Variants in TTLL6 observed in about 807,000 individuals in gnomAD.
The protein encoded by TTLL6 is tubulin polyglutamylase TTLL6.
Under a neutral mutation model 96.4 loss-of-function variants are expected in TTLL6, and 75 were observed. That is an observed-to-expected ratio of 0.78 (90% CI 0.65 to 0.94). TTLL6 has a LOEUF of 0.94. Among genes scored for constraint, TTLL6 ranks in the 40% least tolerant of loss-of-function variants. The pLI is 0.00. For missense variants in TTLL6, 1,030 were observed against 1,093.0 expected (o/e 0.94, Z 0.81); for synonymous variants, 411 against 419.4 (o/e 0.98, Z 0.24).
At chr17:48,767,738 T>C (rs1326151645) in intron 15 of TTLL6, among the ~76,000 whole-genome samples, 1 of 152,116 alleles carries the variant, frequency 6.6e-6, no homozygotes, top group Non-Finnish European at 1.5e-5. Flanking sequence ...CATATGACCT[T>C]CCCTCAGAAG....
chr17:48,765,001 A>G (rs1213163747), intron 15 of TTLL6, among the ~76,000 whole-genome samples: 1 of 152,172 alleles, frequency 6.6e-6, no homozygotes, highest in East Asian at 1.9e-4. Context: ...TGGCTTCAAG[A>G]GTTTGGGGCT....
intron 1 of TTLL6, among the ~76,000 whole-genome samples, chr17:48,816,748 A>G (rs2039672959): frequency 6.6e-6 from 1 of 152,094 alleles, no homozygotes; most frequent in Non-Finnish European, 1.5e-5. Flanking sequence ...AGGGCGGGAA[A>G]TGAACGTTAA....
In TTLL6 at chr17:48,814,219, T is replaced by C. The variant is rs1196201736; in HGVS notation, c.103+2751A>G. Among the ~76,000 whole-genome samples the C allele has an allele frequency of 8.5e-5, 12 of 141,028 alleles. No homozygotes were observed. The East Asian group carries it at 2.7e-3, about 32-fold the overall frequency. The allele number at this position is 141,028 out of a possible 152,430, so 92.5% of individuals were successfully genotyped here. A position where few individuals can be genotyped will look rare whatever the true frequency, so the allele number is the denominator to read the frequency against. On this transcript the variant is annotated intron_variant, in intron 1 of 15. Coordinates refer to ENST00000393382, the MANE Select transcript of TTLL6 (RefSeq NM_001130918.3). ...CTGTAATCCCAGCTACTCGGTAGGCTGGGGCAGGAGAATCGCTTGAACCTG... is the reference window on the plus strand; with the variant it reads ...CTGTAATCCCAGCTACTCGGTAGGCCGGGGCAGGAGAATCGCTTGAACCTG...
At chr17:48,800,318 T>A (rs1363757365) in intron 5 of TTLL6, 1 of 152,428 alleles carries the variant, frequency 6.6e-6, no homozygotes, top group Non-Finnish European at 1.5e-5. Context: ...AATCATATAT[T>A]TGAACATATT....
At chr17:48,798,386 G>A (rs1412758914) in intron 6 of TTLL6, among the ~76,000 whole-genome samples, 2 of 152,158 alleles carry the variant, frequency 1.3e-5, no homozygotes, top group Admixed American at 6.5e-5. Flanking sequence ...GGTTAACATA[G>A]TGAAACCCCG....
At chr17:48,777,011 G>GACACACACACACACAC (rs71369215) in intron 13 of TTLL6, among the ~76,000 whole-genome samples, 3 of 141,394 alleles carry the variant, frequency 2.1e-5, no homozygotes, top group African/African-American at 8.0e-5. Context: ...CATAAGGATA[G>GACACACACACACACAC]ACACACACAC....
intron 1 of TTLL6, among the ~76,000 whole-genome samples, chr17:48,806,512 C>T (rs144919871): frequency 3.1e-4 from 47 of 152,202 alleles, no homozygotes; most frequent in African/African-American, 9.9e-4. Context: ...CATTTCAACC[C>T]CTCTCCTCCG....
chr17:48,789,882 C>T (rs1217566185), intron 10 of TTLL6, 49 bp downstream of exon 10: 2 of 1,590,768 alleles, frequency 1.3e-6, no homozygotes, highest in African/African-American at 2.7e-5. Flanking sequence ...TTATTGGGAG[C>T]AGGGGAGTCA....
chr17:48,815,642 C>G (rs964434993), intron 1 of TTLL6: 1 of 152,186 alleles, frequency 6.6e-6, no homozygotes, highest in African/African-American at 2.4e-5. Flanking sequence ...GGTCTTTTGA[C>G]TTTTCGTTTT....
At chr17:48,774,108 A>AAAAAAAAAAAAAAAAAAAC (rs2038814796) in intron 13 of TTLL6, among the ~76,000 whole-genome samples, 6 of 130,536 alleles carry the variant, frequency 4.6e-5, no homozygotes, top group Admixed American at 8.8e-5. Flanking sequence ...AAAAAAAAAA[A>AAAAAAAAAAAAAAAAAAAC]AAAACAAGAA....
At position 48,786,234 on chromosome 17, in the gene TTLL6, T is replaced by C. The variant is rs756434166; in HGVS notation, c.1691A>G (p.Lys564Arg). ...CTGTTGCCAGCCCCTCATGCCCTTC[T>C]TTCTCACTTGCTCGCCTGCCGATTC... Reference protein sequence around the residue: ...QGESAGEQVRKKGMRGWQQKQ... With the variant: ...QGESAGEQVRRKGMRGWQQKQ... The change falls in exon 12 of 16, where the codon AAG becomes AGG. Residue 564 changes from lysine (K) to arginine (R), a missense_variant. Lys to Arg is a conservative substitution (Grantham distance 26). Transcript: ENST00000393382. 2.5e-6 allele frequency: 4 copies of C among 1,614,244 alleles called. No individual in the cohort carries two copies. Among genetic ancestry groups the C allele is most frequent in the Non-Finnish European group, 2.5e-6 (3 of 1,180,042 alleles).
At chr17:48,774,682 CA>C (rs2038836482) in intron 13 of TTLL6, among the ~76,000 whole-genome samples, 1 of 152,084 alleles carries the variant, frequency 6.6e-6, no homozygotes, top group Admixed American at 6.6e-5. Flanking sequence ...TCAAAAACCA[CA>C]AACTGCCGAA....
intron 1 of TTLL6, among the ~76,000 whole-genome samples, chr17:48,809,547 G>A (rs746215743): frequency 2.0e-4 from 30 of 152,120 alleles, no homozygotes; most frequent in Non-Finnish European, 3.7e-4. Flanking sequence ...ACAAGTCATG[G>A]CTCCTTCTAT....
intron 11 of TTLL6, 72 bp downstream of exon 11, chr17:48,787,739 G>A: frequency 1.4e-6 from 2 of 1,467,934 alleles, no homozygotes; most frequent in Non-Finnish European, 1.9e-6. Flanking sequence ...TGCCACTCCA[G>A]GCCAGTCAGC....
At chr17:48,816,531 CG>C (rs750901021) in intron 1 of TTLL6, among the ~76,000 whole-genome samples, 57 of 151,982 alleles carry the variant, frequency 3.8e-4, no homozygotes, top group Non-Finnish European at 6.3e-4. Flanking sequence ...GGCTGGAAGG[CG>C]GTAGGGGCAT....
At chr17:48,779,232 C>T (rs926639939) in intron 13 of TTLL6, among the ~76,000 whole-genome samples, 1 of 149,740 alleles carries the variant, frequency 6.7e-6, no homozygotes, top group Non-Finnish European at 1.5e-5. Context: ...TAGAGTGGTT[C>T]AAATTTAAAA....
In TTLL6 at chr17:48,785,023, T is replaced by A; in HGVS notation, c.1940A>T (p.Asn647Ile). 6.2e-7 allele frequency: 1 copy of A among 1,614,152 alleles called. No individual in the cohort carries two copies. The highest frequency in any genetic ancestry group is 1.6e-4 in the Middle Eastern group (1 of 6,062). The change falls in exon 13 of 16, where the codon AAT becomes ATT. Residue 647 changes from asparagine to isoleucine, a missense_variant. Physicochemically the swap from Asn to Ile is moderately radical, Grantham distance 149 (BLOSUM62 -3). Coordinates refer to ENST00000393382, the MANE Select transcript of TTLL6 (RefSeq NM_001130918.3). Reference protein sequence around the residue: ...KPFSSLPDLRNINLSSSKLEP... With the variant: ...KPFSSLPDLRIINLSSSKLEP... ...CAACTTCGAGCTGCTGAGATTGATA[T>A]TCCTCAGATCGGGTAGAGAACTGAA...
intron 1 of TTLL6, among the ~76,000 whole-genome samples, chr17:48,808,180 G>T (rs1207732168): frequency 6.6e-6 from 1 of 152,192 alleles, no homozygotes; most frequent in African/African-American, 2.4e-5. Flanking sequence ...TTGAAAGAAT[G>T]CACCTGAGTG....
intron 13 of TTLL6, among the ~76,000 whole-genome samples, chr17:48,782,826 G>A (rs1007578207): frequency 1.2e-4 from 18 of 151,850 alleles, no homozygotes; most frequent in Non-Finnish European, 2.1e-4. Context: ...TGATTCTTCC[G>A]CCTCAGCCTC....
Sources: gnomAD v4.1 joint callset for allele counts (sites outside exome capture counted in the v4.1 genomes callset) on GRCh38, gnomAD v4.1.1 for gene constraint, MANE v1.5 for transcripts, NCBI Gene and HGNC (gene_info 2026-07-23, HGNC 2026-07-21) for gene names.